TMEM272: variants seen among roughly 807,000 people sequenced by gnomAD.
The protein encoded by TMEM272 is transmembrane protein 272.
A neutral mutation model predicts 3.7 loss-of-function variants in TMEM272; 8 were observed. That is an observed-to-expected ratio of 2.17 (90% confidence interval 1.27 to 3.91). The LOEUF is 3.91. Ranked by LOEUF, TMEM272 falls within the 30% of genes most tolerant of loss-of-function variation. The probability of loss-of-function intolerance (pLI) is 0.00; values close to 1 mark genes in which losing one functional copy is unlikely to be tolerated. For synonymous variants in TMEM272, 63 were observed against 39.8 expected (o/e 1.58, Z -2.20); for missense variants, 166 against 91.5 (o/e 1.81, Z -3.32).
At chr13:51,862,223 C>G in the TMEM272 span, 1 of 152,196 alleles carries the variant, frequency 6.6e-6, no homozygotes, top group East Asian at 1.9e-4. Flanking sequence ...TGGGAAGCAG[C>G]TAAGCAGTAA....
intron 1 of TMEM272, among the ~76,000 whole-genome samples, chr13:51,840,783 C>T (rs1956256124): frequency 6.6e-6 from 1 of 152,218 alleles, no homozygotes; most frequent in Non-Finnish European, 1.5e-5. Flanking sequence ...CCATTTTCCC[C>T]CACAATGTTC....
chr13:51,896,794 T>C, the TMEM272 span, among the ~76,000 whole-genome samples: 3 of 152,184 alleles, frequency 2.0e-5, no homozygotes, highest in African/African-American at 4.8e-5. Flanking sequence ...GTGGTCTCAG[T>C]TGGTCATGTG....
chr13:51,855,986 A>G, the TMEM272 span, among the ~76,000 whole-genome samples: 1 of 152,202 alleles, frequency 6.6e-6, no homozygotes. Flanking sequence ...CATTGCAGTA[A>G]ATAGTTTAAT....
rs1480643935 is a variant in TMEM272, at chr13:51,813,610, A to G, written c.*3141T>C. 3 of 219,572 alleles carry G rather than the reference A, an allele frequency of 1.4e-5. No individual in the cohort carries two copies. Among genetic ancestry groups the G allele is most frequent in the Non-Finnish European group, 2.7e-5 (3 of 112,752 alleles). The allele number at this position is 219,572 out of a possible 1,614,324, so 13.6% of individuals were successfully genotyped here. ...TTTCTCTGGCCACCGAATCAGAACC[A>G]GCTGGGCCCCACAAGTCAGTCTCTG... On this transcript the variant is annotated 3_prime_UTR_variant, in exon 5 of 5. Transcript: ENST00000629372.
intron 2 of TMEM272, among the ~76,000 whole-genome samples, chr13:51,832,361 C>A (rs1956180403): frequency 6.6e-6 from 1 of 152,196 alleles, no homozygotes; most frequent in South Asian, 2.1e-4. Context: ...TCTCCGGAGT[C>A]TGTTTCCTAT....
chr13:51,830,928 T>C (rs577140885), intron 2 of TMEM272, among the ~76,000 whole-genome samples: 18 of 151,508 alleles, frequency 1.2e-4, no homozygotes, highest in Admixed American at 5.9e-4. Flanking sequence ...TTGCTCGAGG[T>C]CTAATGAGGC....
In TMEM272 at chr13:51,816,940, C is replaced by T. The variant is rs1385386791; in HGVS notation, c.375G>A (p.Trp125Ter). Residue 125 changes from tryptophan (W) to a stop codon, truncating the protein, a stop_gained, in exon 5 of 5, where the codon TGG becomes TGA. Coordinates refer to ENST00000629372, the MANE Select transcript of TMEM272 (RefSeq NM_001351003.2). LOFTEE classifies it low-confidence loss of function (END_TRUNC). ...AATCAGGCAGGTACACAGAAAAGACCCAGTAGTTTCCCAGGATGAACCAGA... is the reference window on the plus strand; with the variant it reads ...AATCAGGCAGGTACACAGAAAAGACTCAGTAGTTTCCCAGGATGAACCAGA... ...LFLWFILGNY[W>*]VFSVYLPDFL... 1 of 703,010 alleles carries T rather than the reference C, an allele frequency of 1.4e-6. No homozygotes were observed. The highest frequency in any genetic ancestry group is 2.6e-6 in the Non-Finnish European group (1 of 384,996). The allele number at this position is 703,010 out of a possible 1,614,324, so 43.5% of individuals were successfully genotyped here.
the TMEM272 span, among the ~76,000 whole-genome samples, chr13:51,927,350 C>T: frequency 1.3e-4 from 20 of 152,160 alleles, no homozygotes; most frequent in Non-Finnish European, 2.8e-4. Context: ...ACCACACCAC[C>T]GTGCTAGGTT....
chr13:51,896,237 T>C, the TMEM272 span, among the ~76,000 whole-genome samples: 1 of 152,370 alleles, frequency 6.6e-6, no homozygotes, highest in Admixed American at 6.5e-5. Context: ...CTCCAGCTCC[T>C]TCTAGCTGTG....
At chr13:51,925,499 A>C in the TMEM272 span, among the ~76,000 whole-genome samples, 1 of 152,094 alleles carries the variant, frequency 6.6e-6, no homozygotes, top group Non-Finnish European at 1.5e-5. Flanking sequence ...ATAGCAATAC[A>C]CACATCCCTA....
intron 1 of TMEM272, among the ~76,000 whole-genome samples, chr13:51,843,576 T>C (rs1956279448): frequency 6.6e-6 from 1 of 152,246 alleles, no homozygotes; most frequent in Admixed American, 6.5e-5. Flanking sequence ...CTTCTATATC[T>C]TCTACTAAGA....
the TMEM272 span, among the ~76,000 whole-genome samples, chr13:51,915,795 C>A: frequency 9.2e-5 from 14 of 152,256 alleles, no homozygotes; most frequent in African/African-American, 3.4e-4. Context: ...GACACGTGGC[C>A]GGGTGCGGTG....
chr13:51,815,849 G>A lies in TMEM272; in HGVS notation c.*902C>T, dbSNP rs1202626542. The A allele has an allele frequency of 6.6e-6, 1 of 152,168 alleles. No individual in the cohort carries two copies. Among genetic ancestry groups the A allele is most frequent in the African/African-American group, 2.4e-5 (1 of 41,418 alleles). 9.4% of individuals were successfully genotyped at this position (152,168 alleles called of 1,614,324 possible). A position where few individuals can be genotyped will look rare whatever the true frequency, so the allele number is the denominator to read the frequency against. On this transcript the variant is annotated 3_prime_UTR_variant, in exon 5 of 5. Transcript: ENST00000629372. ...ACAAAAGGCTTCCAAAGCCTAACTGGTCATTAGGTTGAGGAGCTATTATTC... is the reference window on the plus strand; with the variant it reads ...ACAAAAGGCTTCCAAAGCCTAACTGATCATTAGGTTGAGGAGCTATTATTC...
the TMEM272 span, among the ~76,000 whole-genome samples, chr13:51,903,472 C>T: frequency 5.3e-5 from 8 of 152,124 alleles, no homozygotes; most frequent in Admixed American, 2.6e-4. Flanking sequence ...CGTCAGATGA[C>T]GATGTCTCAG....
the TMEM272 span, among the ~76,000 whole-genome samples, chr13:51,903,901 GCCT>G: frequency 7.5e-5 from 11 of 147,058 alleles, no homozygotes; most frequent in African/African-American, 2.5e-4. Context: ...TCTCACACCT[GCCT>G]CCTATGACAC....
the TMEM272 span, among the ~76,000 whole-genome samples, chr13:51,871,192 C>CTT: frequency 9.4e-3 from 1,293 of 137,584 alleles, 22 homozygotes; most frequent in African/African-American, 0.028. Flanking sequence ...CAGAGTATGA[C>CTT]TTTTTTTTTT....
rs1248518823 is a variant in TMEM272 at position 51,816,364 on chromosome 13, C to T, written c.*387G>A. The T allele has an allele frequency of 5.6e-6, 1 of 177,108 alleles. No individual in the cohort carries two copies. Among genetic ancestry groups the T allele is most frequent in the African/African-American group, 2.3e-5 (1 of 42,556 alleles). 11.0% of individuals were successfully genotyped at this position (177,108 alleles called of 1,614,324 possible). ...CTTCAAGGTGACCATGGCTGAATGA[C>T]AGCAGCAGTAGCAACAACCAACCTT... On this transcript the variant is annotated 3_prime_UTR_variant, in exon 5 of 5. Coordinates refer to ENST00000629372, the MANE Select transcript of TMEM272 (RefSeq NM_001351003.2).
At chr13:51,829,613 A>G (rs1397118646) in intron 2 of TMEM272, among the ~76,000 whole-genome samples, 1 of 152,150 alleles carries the variant, frequency 6.6e-6, no homozygotes, top group East Asian at 1.9e-4. Flanking sequence ...TTGACCTTGG[A>G]GCTTGTTACA....
At chr13:51,841,694 C>G (rs928330686) in intron 1 of TMEM272, among the ~76,000 whole-genome samples, 5 of 152,300 alleles carry the variant, frequency 3.3e-5, no homozygotes, top group South Asian at 2.1e-4. Context: ...ACAGTGATAT[C>G]TTTATTGATA....
Sources: gnomAD v4.1 joint callset for allele counts (sites outside exome capture counted in the v4.1 genomes callset) on GRCh38, gnomAD v4.1.1 for gene constraint, MANE v1.5 for transcripts, NCBI Gene and HGNC (gene_info 2026-07-23, HGNC 2026-07-21) for gene names.